SMYD3: variants seen among roughly 807,000 people sequenced by gnomAD.
The protein encoded by SMYD3 is histone-lysine N-methyltransferase SMYD3.
SMYD3 carries 36 observed loss-of-function variants against 57.7 expected under a neutral mutation model. The ratio of observed to expected loss-of-function variants is 0.62; its 90% CI spans 0.48 to 0.82. SMYD3 has a LOEUF of 0.82. Among genes scored for constraint, SMYD3 ranks in the 40% least tolerant of loss-of-function variants. The pLI, the probability that SMYD3 is intolerant of heterozygous loss-of-function variation, is 0.00. For synonymous variants in SMYD3, 211 were observed against 195.0 expected (o/e 1.08, Z -0.68); for missense variants, 515 against 538.8 (o/e 0.96, Z 0.44).
chr1:246,345,649 T>C (rs555167606), intron 2 of SMYD3, among the ~76,000 whole-genome samples: 2 of 152,248 alleles, frequency 1.3e-5, no homozygotes, highest in East Asian at 1.9e-4. Flanking sequence ...TTATGATGTG[T>C]TGACATTTTA....
chr1:246,495,823 G>T (rs974106611), intron 1 of SMYD3, among the ~76,000 whole-genome samples: 8 of 151,614 alleles, frequency 5.3e-5, no homozygotes, highest in Non-Finnish European at 1.0e-4. Flanking sequence ...GTGGTGGCAC[G>T]CATCTGTGGT....
At chr1:245,807,820 A>AAC (rs1440102801) in intron 10 of SMYD3, among the ~76,000 whole-genome samples, 1 of 151,994 alleles carries the variant, frequency 6.6e-6, no homozygotes, top group Non-Finnish European at 1.5e-5. Flanking sequence ...AGGGAAAAAA[A>AAC]AAAAAAACAA....
intron 5 of SMYD3, among the ~76,000 whole-genome samples, chr1:246,076,354 T>A (rs1046772744): frequency 1.3e-5 from 2 of 152,226 alleles, no homozygotes; most frequent in African/African-American, 4.8e-5. Context: ...TTCAGTGTTG[T>A]CTACACATTC....
chr1:245,756,841 A>C (rs550154904), intron 11 of SMYD3, among the ~76,000 whole-genome samples: 1 of 148,588 alleles, frequency 6.7e-6, no homozygotes, highest in South Asian at 2.1e-4. Flanking sequence ...TTTGAGTATG[A>C]TCCACAGTCT....
intron 5 of SMYD3, among the ~76,000 whole-genome samples, chr1:246,158,511 G>T (rs2062060225): frequency 6.6e-6 from 1 of 152,090 alleles, no homozygotes. Context: ...GAGGAAATTG[G>T]CTTTGTTTTT....
At position 246,187,027 on chromosome 1, in the gene SMYD3, G is replaced by C. The variant is rs1280693416; in HGVS notation, c.531+140174C>G. The C allele has an allele frequency of 1.4e-5, 10 of 705,502 alleles. 1 individual carries two copies. The highest frequency in any genetic ancestry group is 1.7e-5 in the Non-Finnish European group (10 of 574,464). 43.7% of individuals were successfully genotyped at this position (705,502 alleles called of 1,614,324 possible). A position where few individuals can be genotyped will look rare whatever the true frequency, so the allele number is the denominator to read the frequency against. The stretch of plus-strand genomic sequence containing the variant: ...CATACAAAGTAGGTGTGATGTGCTA[G>C]ATAACGAGGTGATGTGCTGATGGAG... On this transcript the variant is annotated intron_variant, in intron 5 of 11. Coordinates refer to ENST00000490107, the MANE Select transcript of SMYD3 (RefSeq NM_001167740.2).
chr1:246,084,379 CTATTTTTTG>C (rs2060691873), intron 5 of SMYD3, among the ~76,000 whole-genome samples: 1 of 151,882 alleles, frequency 6.6e-6, no homozygotes, highest in African/African-American at 2.4e-5. Context: ...TCATGCCCAG[CTATTTTTTG>C]TATTTTTTGT....
intron 10 of SMYD3, among the ~76,000 whole-genome samples, chr1:245,816,055 T>C (rs12031535): frequency 0.11 from 16,337 of 152,216 alleles, 1,148 homozygotes; most frequent in East Asian, 0.19. Context: ...CCACAGTATC[T>C]CAAGGATATT....
intron 5 of SMYD3, among the ~76,000 whole-genome samples, chr1:246,112,560 G>C (rs759347580): frequency 6.6e-6 from 1 of 152,130 alleles, no homozygotes; most frequent in Non-Finnish European, 1.5e-5. Context: ...AAAGGGATCA[G>C]AGCTAAATGG....
chr1:246,382,454 T>G (rs1025495631), intron 1 of SMYD3, among the ~76,000 whole-genome samples: 7 of 151,664 alleles, frequency 4.6e-5, no homozygotes, highest in African/African-American at 1.7e-4. Flanking sequence ...CTCAGTAAAC[T>G]CAGCATCCAC....
At chr1:245,940,629 CAA>C (rs1219369420) in intron 5 of SMYD3, among the ~76,000 whole-genome samples, 1 of 151,386 alleles carries the variant, frequency 6.6e-6, no homozygotes, top group Non-Finnish European at 1.5e-5. Context: ...TCATCATCAA[CAA>C]AAAAGACTCC....
intron 5 of SMYD3, among the ~76,000 whole-genome samples, chr1:246,199,611 C>T (rs752865722): frequency 5.9e-5 from 9 of 152,228 alleles, no homozygotes; most frequent in Non-Finnish European, 1.2e-4. Context: ...CAACGTTTGA[C>T]ACATTTCCAA....
At chr1:246,323,356 G>A (rs2065282334) in intron 5 of SMYD3, among the ~76,000 whole-genome samples, 1 of 152,072 alleles carries the variant, frequency 6.6e-6, no homozygotes, top group Admixed American at 6.6e-5. Context: ...AATATGACCG[G>A]GAAAATTACA....
rs776636233 is a variant in SMYD3, at chr1:246,198,007, G to A, written c.531+129194C>T. ...GATAAAACTGCTGGATCTGAATCCC[G>A]TTCCCCTGTCTAAGTTGATTTTTAC... is the stretch of plus-strand genomic sequence containing the variant. On this transcript the variant is annotated intron_variant, in intron 5 of 11. Transcript: ENST00000490107. Among the ~76,000 whole-genome samples, 4 of 152,064 alleles carry A rather than the reference G, an allele frequency of 2.6e-5. 1 individual carries two copies. The South Asian group carries it at 6.2e-4, about 24-fold the overall frequency.
At chr1:246,270,560 G>A (rs917415768) in intron 5 of SMYD3, among the ~76,000 whole-genome samples, 12 of 152,128 alleles carry the variant, frequency 7.9e-5, no homozygotes, top group African/African-American at 2.9e-4. Context: ...CATAAAAGTG[G>A]AGTCATATAG....
intron 5 of SMYD3, among the ~76,000 whole-genome samples, chr1:246,109,240 G>A (rs919440641): frequency 1.3e-5 from 2 of 152,124 alleles, no homozygotes; most frequent in Admixed American, 1.3e-4. Flanking sequence ...ACTGTACCAT[G>A]TTACAAACGT....
rs1017889466 is a variant in SMYD3 at position 245,763,095 on chromosome 1, C to T, written c.1185+946G>A. Reference sequence around the variant, plus strand: ...CTCCGGGCAGAGGAGACTCCCTGAGCGGGTGAAACTAACCATCGTGTTTTA... The same window carrying T: ...CTCCGGGCAGAGGAGACTCCCTGAGTGGGTGAAACTAACCATCGTGTTTTA... On this transcript the variant is annotated intron_variant, in intron 11 of 11. Coordinates refer to ENST00000490107, the MANE Select transcript of SMYD3 (RefSeq NM_001167740.2). Among the ~76,000 whole-genome samples the T allele has an allele frequency of 5.9e-5, 9 of 152,220 alleles. No individual in the cohort carries two copies. In the South Asian group the frequency reaches 8.3e-4, roughly 14 times the overall value.
chr1:246,501,156 C>T (rs1463839869), intron 1 of SMYD3, among the ~76,000 whole-genome samples: 3 of 152,186 alleles, frequency 2.0e-5, no homozygotes, highest in South Asian at 2.1e-4. Flanking sequence ...AATTCACTTA[C>T]GCCTGGTGCT....
At chr1:246,188,074 A>T (rs1203427955) in intron 5 of SMYD3, among the ~76,000 whole-genome samples, 4 of 152,132 alleles carry the variant, frequency 2.6e-5, no homozygotes, top group Non-Finnish European at 4.4e-5. Context: ...AATTTACAAT[A>T]AAAAAACTAA....
Sources: allele counts gnomAD v4.1 joint callset (sites outside exome capture counted in the v4.1 genomes callset), GRCh38; gene constraint gnomAD v4.1.1; transcripts MANE v1.5; gene names NCBI Gene and HGNC (gene_info 2026-07-23, HGNC 2026-07-21).